The following CFAP74 variants were observed in gnomAD, a reference collection of about 807,000 sequenced individuals.
CFAP74 encodes cilia and flagella associated protein 74.
CFAP74 carries 124 observed loss-of-function variants against 188.9 expected under a neutral mutation model. That is an observed-to-expected ratio of 0.66 (90% CI 0.57 to 0.76). CFAP74 has a LOEUF of 0.76. Ranked by LOEUF, CFAP74 falls within the 30% of genes least tolerant of loss-of-function variation. The pLI, the probability that CFAP74 is intolerant of heterozygous loss-of-function variation, is 0.00. For synonymous variants in CFAP74, 956 were observed against 916.7 expected, an observed-to-expected ratio of 1.04 and a Z score of -0.77; for missense variants, 2,198 against 2,165.2, an observed-to-expected ratio of 1.02 and a Z score of -0.30.
chr1:1,979,249 G>A (rs867322940), intron 6 of CFAP74, among the ~76,000 whole-genome samples: 3 of 100,322 alleles, frequency 3.0e-5, no homozygotes, highest in Admixed American at 2.8e-4. Flanking sequence ...CACGTGTGTC[G>A]TGCTGAGCTG....
Position 1,972,022 on chromosome 1 carries a change from C to T in CFAP74, c.846G>A (p.Met282Ile), listed in dbSNP as rs1388745038. Residue 282 changes from methionine to isoleucine, a missense_variant, in exon 9 of 39, where the codon ATG (methionine) becomes ATA (isoleucine). Physicochemically the swap from Met to Ile is conservative, Grantham distance 10. Coordinates refer to ENST00000682832, the MANE Select transcript of CFAP74 (RefSeq NM_001304360.2). The part of the protein sequence containing the change: ...MECHEYMRRR[M>I]DAVVALKGSI... The stretch of plus-strand genomic sequence containing the variant: ...TGCCCTTCAGCGCCACCACCGCATC[C>T]ATGCGTCGCCTCATGTACTCGTGGC... The T allele has an allele frequency of 6.2e-7, 1 of 1,612,858 alleles. No homozygotes were observed. Among genetic ancestry groups the T allele is most frequent in the South Asian group, 1.1e-5 (1 of 91,090 alleles).
At position 1,956,887 on chromosome 1, in the gene CFAP74, T is replaced by C. The variant is rs554843201; in HGVS notation, c.1852-103A>G. ...TCCAGGCAGGGCTGCCCTGAGCATT[T>C]GTGCGCGTTGTGCACTGCACAAGCA... On this transcript the variant is annotated intron_variant, in intron 16 of 38. Transcript: ENST00000682832. 1.2e-3 allele frequency: 1,417 copies of C among 1,168,006 alleles called. 9 individuals are homozygous for C. Among genetic ancestry groups the C allele is most frequent in the South Asian group, 3.9e-3 (277 of 70,946 alleles). The allele number at this position is 1,168,006 out of a possible 1,614,324, so 72.4% of individuals were successfully genotyped here.
Position 1,955,411 on chromosome 1 carries a change from C to A in CFAP74, c.2176+280G>T, listed in dbSNP as rs746648146. 8.3e-6 allele frequency: 12 copies of A among 1,437,148 alleles called. 1 individual carries two copies. The highest frequency in any genetic ancestry group is 1.1e-5 in the Non-Finnish European group (12 of 1,078,968). 89.0% of individuals were successfully genotyped at this position (1,437,148 alleles called of 1,614,324 possible). On this transcript the variant is annotated intron_variant, in intron 18 of 38. Transcript: ENST00000682832. ...AGGGGGCACCGCAGAGCCTCTTCCC[C>A]GCCCTGTGCGGCTCCGCCCGTGCTG...
intron 6 of CFAP74, among the ~76,000 whole-genome samples, chr1:1,980,089 C>T (rs536383265): frequency 1.7e-4 from 22 of 128,946 alleles, no homozygotes; most frequent in Non-Finnish European, 3.3e-4. Context: ...GACGGGTGAA[C>T]GAGAGTGTAT....
In CFAP74 at chr1:1,979,118, C is replaced by T. The variant is rs1436339910; in HGVS notation, c.501-4920G>A. Among the ~76,000 whole-genome samples the T allele has an allele frequency of 2.6e-5, 3 of 114,944 alleles. 1 individual carries two copies. The highest frequency in any genetic ancestry group is 1.7e-4 in the Admixed American group (2 of 11,814). The allele number at this position is 114,944 out of a possible 152,430, so 75.4% of individuals were successfully genotyped here. ...GAAGGTGTCACGTGACAAGGCTGCA[C>T]AGAACATGTGTGTGGTACTGAGCTG... is the stretch of plus-strand genomic sequence containing the variant. On this transcript the variant is annotated intron_variant, in intron 6 of 38. Coordinates refer to ENST00000682832, the MANE Select transcript of CFAP74 (RefSeq NM_001304360.2).
intron 14 of CFAP74, among the ~76,000 whole-genome samples, chr1:1,960,686 G>A (rs1054712427): frequency 2.0e-5 from 3 of 152,218 alleles, no homozygotes; most frequent in African/African-American, 7.2e-5. Context: ...TGTAAAATGT[G>A]TCCCTGGCTG....
Position 1,968,788 on chromosome 1 carries a change from A to G in CFAP74, c.1092T>C (p.Ser364=), listed in dbSNP as rs1371077256. Residue 364 remains serine (S), a synonymous_variant, in exon 11 of 39, where the codon AGT becomes AGC. Transcript: ENST00000682832. The surrounding 1 kb of genome is among the most constrained non-coding windows in gnomAD (Gnocchi z 4.3). The part of the protein sequence containing the change: ...EQKLRKQEII[S]RILKEEAEEE... ...CCTCAGCCTCCTCTTTCAGAATCCG[A>G]CTGATGATCTCCTGCTTTCTGAGCT... 2 of 1,613,900 alleles carry G rather than the reference A, an allele frequency of 1.2e-6. No individual in the cohort carries two copies. The highest frequency in any genetic ancestry group is 2.7e-5 in the African/African-American group (2 of 74,944).
chr1:1,972,719 G>A (rs1451907411), intron 8 of CFAP74, among the ~76,000 whole-genome samples: 1 of 152,212 alleles, frequency 6.6e-6, no homozygotes, highest in African/African-American at 2.4e-5. Context: ...GGTGGCGCGT[G>A]CCTGTAATCC....
At chr1:1,934,346 A>ACACG (rs1652658010) in intron 25 of CFAP74, among the ~76,000 whole-genome samples, 1 of 135,000 alleles carries the variant, frequency 7.4e-6, no homozygotes, top group Non-Finnish European at 1.6e-5. Flanking sequence ...ACACAGGTGT[A>ACACG]TACGTGGGTG....
intron 25 of CFAP74, among the ~76,000 whole-genome samples, chr1:1,938,118 C>T (rs539262740): frequency 8.3e-6 from 1 of 119,840 alleles, no homozygotes; most frequent in South Asian, 2.6e-4. Context: ...CATACATGCA[C>T]TCACATTCAG....
chr1:1,968,562 C>T lies in CFAP74; in HGVS notation c.1245+73G>A, dbSNP rs1655642645. ...GAGGTCCTCAGAGGATGTCTCACCA[C>T]ACCTGAGCCCTGAGGCCCCACCTGC... On this transcript the variant is annotated intron_variant, in intron 11 of 38. Transcript: ENST00000682832. This position sits in a 1 kb window ranked among gnomAD's most constrained non-coding sequence, Gnocchi z 4.3. 3.0e-6 allele frequency: 4 copies of T among 1,342,382 alleles called. No individual in the cohort carries two copies. Among genetic ancestry groups the T allele is most frequent in the Non-Finnish European group, 4.2e-6 (4 of 952,040 alleles). The allele number at this position is 1,342,382 out of a possible 1,614,324, so 83.2% of individuals were successfully genotyped here. A position where few individuals can be genotyped will look rare whatever the true frequency, so the allele number is the denominator to read the frequency against.
chr1:1,961,188 G>C (rs1012377007), intron 14 of CFAP74, among the ~76,000 whole-genome samples: 1 of 152,186 alleles, frequency 6.6e-6, no homozygotes, highest in African/African-American at 2.4e-5. Context: ...GTTTCAAAAG[G>C]AGGAGCAGGA....
At chr1:1,927,298 C>T (rs567642135) in intron 28 of CFAP74, 51 of 573,162 alleles carry the variant, frequency 8.9e-5, no homozygotes, top group East Asian at 7.6e-4. Context: ...TGTTCCTTCC[C>T]GGGGCCACAG....
chr1:1,985,349 C>T, intron 6 of CFAP74, 37 bp downstream of exon 6: 1 of 1,560,494 alleles, frequency 6.4e-7, no homozygotes, highest in South Asian at 1.1e-5. Context: ...CGTTCTGGGG[C>T]CTGCCTGCTG....
chr1:1,976,495 C>T (rs970633213), intron 6 of CFAP74, among the ~76,000 whole-genome samples: 2 of 152,154 alleles, frequency 1.3e-5, no homozygotes, highest in Admixed American at 1.3e-4. Context: ...GATGCCATCA[C>T]GTTCCCTGTA....
chr1:1,970,023 G>C (rs184142228), intron 10 of CFAP74, among the ~76,000 whole-genome samples: 1 of 152,260 alleles, frequency 6.6e-6, no homozygotes, highest in Non-Finnish European at 1.5e-5. Flanking sequence ...GCGGGAGAGA[G>C]GGGCCTTGTA....
chr1:1,922,959 G>A (rs550530152), intron 37 of CFAP74, 26 bp downstream of exon 37: 1 of 1,543,640 alleles, frequency 6.5e-7, no homozygotes, highest in South Asian at 1.3e-5. Flanking sequence ...GCTGCCTGGT[G>A]TCCCCAGGGG....
intron 25 of CFAP74, among the ~76,000 whole-genome samples, chr1:1,932,452 C>A (rs1652491471): frequency 6.6e-6 from 1 of 151,126 alleles, no homozygotes; most frequent in Non-Finnish European, 1.5e-5. Flanking sequence ...CCAGGCTGGT[C>A]TCAAATTCCT....
chr1:1,981,894 C>T (rs1489997522), intron 6 of CFAP74, among the ~76,000 whole-genome samples: 5 of 76,170 alleles, frequency 6.6e-5, no homozygotes, highest in Non-Finnish European at 1.0e-4. Flanking sequence ...CACACAGCCG[C>T]GGACAGACAC....
Sources: allele counts gnomAD v4.1 joint callset (sites outside exome capture counted in the v4.1 genomes callset), GRCh38; gene constraint gnomAD v4.1.1; non-coding constraint Gnocchi (gnomAD v3.1); transcripts MANE v1.5; gene names NCBI Gene and HGNC (gene_info 2026-07-23, HGNC 2026-07-21).